The following A1CF variants were observed in gnomAD, a reference collection of about 807,000 sequenced individuals.
A1CF encodes the protein APOBEC-1 stimulating protein.
A1CF carries 48 observed loss-of-function variants against 68.9 expected under a neutral mutation model. The ratio of observed to expected loss-of-function variants is 0.70; its 90% CI spans 0.55 to 0.89. The LOEUF is 0.89. Ranked by LOEUF, A1CF falls within the 40% of genes least tolerant of loss-of-function variation. The pLI, the probability that A1CF is intolerant of heterozygous loss-of-function variation, is 0.00. For synonymous variants in A1CF, 272 were observed against 260.4 expected, an observed-to-expected ratio of 1.04 and a Z score of -0.43; for missense variants, 653 against 718.9, an observed-to-expected ratio of 0.91 and a Z score of 1.05.
chr10:50,842,066 C>A, intron 4 of A1CF, 74 bp from the exon 5 acceptor site: 2 of 1,250,552 alleles, frequency 1.6e-6, no homozygotes, highest in East Asian at 2.4e-5. Context: ...TGTGCTGATA[C>A]ACACACAAAC....
rs541427989 is a variant in A1CF, at chr10:50,830,117, A to G, written c.605-1822T>C. On this transcript the variant is annotated intron_variant, in intron 6 of 12. Transcript: ENST00000373997. ...AATACATTAACTATAGTCATATTAT[A>G]CAATAGATTTGCAGAAATTATTCAT... Among the ~76,000 whole-genome samples, 30 of 152,200 alleles carry G rather than the reference A, an allele frequency of 2.0e-4. 1 individual carries two copies. The highest frequency in any genetic ancestry group is 6.6e-4 in the Admixed American group (10 of 15,264).
At chr10:50,881,594 T>C (rs964571322) in intron 1 of A1CF, among the ~76,000 whole-genome samples, 1 of 152,208 alleles carries the variant, frequency 6.6e-6, no homozygotes, top group Non-Finnish European at 1.5e-5. Context: ...TACTTAAACC[T>C]AGTGATTTTT....
At chr10:50,827,631 T>C (rs1455450865) in intron 7 of A1CF, among the ~76,000 whole-genome samples, 1 of 152,144 alleles carries the variant, frequency 6.6e-6, no homozygotes, top group East Asian at 1.9e-4. Flanking sequence ...GGAACACATT[T>C]AAAGCAATGT....
chr10:50,874,366 G>A (rs1841407850), intron 1 of A1CF, among the ~76,000 whole-genome samples: 1 of 152,076 alleles, frequency 6.6e-6, no homozygotes, highest in Non-Finnish European at 1.5e-5. Context: ...CTCATAAAGT[G>A]GATTTTATAA....
intron 5 of A1CF, among the ~76,000 whole-genome samples, chr10:50,836,519 A>G (rs987226560): frequency 1.3e-5 from 2 of 152,182 alleles, no homozygotes; most frequent in African/African-American, 4.8e-5. Context: ...AAGTTATCTG[A>G]AGCTGAGTAG....
intron 7 of A1CF, chr10:50,823,561 C>A (rs1838777366): frequency 6.6e-6 from 1 of 152,162 alleles, no homozygotes; most frequent in Non-Finnish European, 1.5e-5. Context: ...CCAGCAGAAT[C>A]CACTTTGCCT....
intron 3 of A1CF, chr10:50,850,560 A>T: frequency 7.3e-7 from 1 of 1,377,786 alleles, no homozygotes. Flanking sequence ...AACTTATTCG[A>T]GTGTTTTTCA....
At chr10:50,811,344 T>C (rs1461770046) in intron 10 of A1CF, among the ~76,000 whole-genome samples, 168 bp from the exon 11 acceptor site, 2 of 152,236 alleles carry the variant, frequency 1.3e-5, no homozygotes, top group Non-Finnish European at 2.9e-5. Context: ...CAATTTGAAC[T>C]CCATTTAAAA....
intron 3 of A1CF, among the ~76,000 whole-genome samples, chr10:50,846,846 A>T (rs767148685): frequency 6.6e-6 from 1 of 152,180 alleles, no homozygotes; most frequent in Non-Finnish European, 1.5e-5. Context: ...TTGAGACTGT[A>T]AAGAGTCTGG....
chr10:50,874,807 G>A lies in A1CF; in HGVS notation c.-93-10727C>T, dbSNP rs747062995. Among the ~76,000 whole-genome samples the A allele has an allele frequency of 3.5e-4, 54 of 152,172 alleles. 2 individuals carry two copies. Among genetic ancestry groups the A allele is most frequent in the Non-Finnish European group, 2.1e-4 (14 of 68,034 alleles). ...AGATCACTTAAGAACCGCCGTAGCA[G>A]AGCCAGGTGCCAATAGCCATGACAT... is the stretch of plus-strand genomic sequence containing the variant. On this transcript the variant is annotated intron_variant, in intron 1 of 12. Coordinates refer to ENST00000373997, the MANE Select transcript of A1CF (RefSeq NM_014576.4).
At chr10:50,839,476 T>G (rs1839672183) in intron 5 of A1CF, among the ~76,000 whole-genome samples, 1 of 152,158 alleles carries the variant, frequency 6.6e-6, no homozygotes, top group Non-Finnish European at 1.5e-5. Context: ...AACATCTCTG[T>G]GTTTAGGTGC....
At chr10:50,876,483 G>T (rs1055418463) in intron 1 of A1CF, among the ~76,000 whole-genome samples, 1 of 152,220 alleles carries the variant, frequency 6.6e-6, no homozygotes, top group Non-Finnish European at 1.5e-5. Context: ...AACAGCAGAT[G>T]CAATGTGAGT....
intron 1 of A1CF, among the ~76,000 whole-genome samples, chr10:50,881,274 C>G (rs1270575122): frequency 6.6e-6 from 1 of 152,210 alleles, no homozygotes; most frequent in African/African-American, 2.4e-5. Context: ...CAGGCGTGAG[C>G]CACTGCGCCC....
At chr10:50,871,460 A>G (rs1841263825) in intron 1 of A1CF, among the ~76,000 whole-genome samples, 1 of 152,036 alleles carries the variant, frequency 6.6e-6, no homozygotes, top group South Asian at 2.1e-4. Flanking sequence ...ATTCTAATTT[A>G]AAGTCCAATG....
chr10:50,864,592 C>T (rs141421075), intron 1 of A1CF, among the ~76,000 whole-genome samples: 14 of 152,210 alleles, frequency 9.2e-5, no homozygotes, highest in Non-Finnish European at 1.8e-4. Flanking sequence ...CACCACCAAA[C>T]CTGCTATGTA....
intron 1 of A1CF, among the ~76,000 whole-genome samples, chr10:50,870,968 T>A (rs7077122): frequency 0.98 from 148,956 of 151,750 alleles, 73,176 homozygotes; most frequent in East Asian, 1. Flanking sequence ...CATTTCACTG[T>A]TAAAAAGAAA....
At chr10:50,856,015 A>G (rs1054808307) in intron 3 of A1CF, among the ~76,000 whole-genome samples, 1 of 152,052 alleles carries the variant, frequency 6.6e-6, no homozygotes, top group African/African-American at 2.4e-5. Flanking sequence ...AGGCTGAAGT[A>G]TTAGTAAGAC....
intron 1 of A1CF, among the ~76,000 whole-genome samples, chr10:50,868,900 C>T (rs1841120059): frequency 6.6e-6 from 1 of 152,108 alleles, no homozygotes; most frequent in African/African-American, 2.4e-5. Context: ...AAACCAAATA[C>T]CATATGTTCT....
At chr10:50,830,415 C>A (rs1839181940) in intron 6 of A1CF, among the ~76,000 whole-genome samples, 1 of 152,106 alleles carries the variant, frequency 6.6e-6, no homozygotes, top group South Asian at 2.1e-4. Flanking sequence ...CTCAGTATAG[C>A]TGTAAAATAC....
Sources: gnomAD v4.1 joint callset for allele counts (sites outside exome capture counted in the v4.1 genomes callset) on GRCh38, gnomAD v4.1.1 for gene constraint, MANE v1.5 for transcripts, NCBI Gene and HGNC (gene_info 2026-07-23, HGNC 2026-07-21) for gene names.